VPS13A: variants seen among roughly 807,000 people sequenced by gnomAD.
VPS13A encodes the protein vacuolar protein sorting 13 homolog A.
In VPS13A, 264 loss-of-function variants were observed where a neutral mutation model predicts 390.9. That is an observed-to-expected ratio of 0.68 (90% CI 0.61 to 0.75). The LOEUF is 0.75. Ranked by LOEUF, VPS13A falls within the 30% of genes least tolerant of loss-of-function variation. The probability of loss-of-function intolerance (pLI) is 0.00; values close to 1 mark genes in which losing one functional copy is unlikely to be tolerated. For missense variants in VPS13A, 3,409 were observed against 3,733.9 expected (o/e 0.91, Z 2.27); for synonymous variants, 1,231 against 1,227.1 (o/e 1.00, Z -0.07).
At position 77,295,671 on chromosome 9, in the gene VPS13A, A is replaced by G. The variant is rs1172751806; in HGVS notation, c.3637A>G (p.Ile1213Val). 5.6e-6 allele frequency: 9 copies of G among 1,614,086 alleles called. No homozygotes were observed. The highest frequency in any genetic ancestry group is 7.6e-6 in the Non-Finnish European group (9 of 1,179,956). ...TTCCAGAATGGCACTGGATATTAAC[A>G]TCAAAGCCCCAGTTGTGGTCATCCC... ...RSSRMALDINIKAPVVVIPQS... is the reference protein window; with the variant it reads ...RSSRMALDINVKAPVVVIPQS... The change falls in exon 33 of 72, where the codon ATC (isoleucine) becomes GTC (valine). Residue 1213 changes from isoleucine to valine, a missense_variant. Transcript: ENST00000360280.
At chr9:77,261,464 T>C in intron 23 of VPS13A, among the ~76,000 whole-genome samples, 1 of 151,888 alleles carries the variant, frequency 6.6e-6, no homozygotes, top group African/African-American at 2.4e-5. Context: ...TATATATACA[T>C]ATATATGTGT....
chr9:77,363,115 T>A lies in VPS13A; in HGVS notation c.8212-2345T>A, dbSNP rs369869474. Among the ~76,000 whole-genome samples the A allele has an allele frequency of 3.9e-5, 6 of 152,266 alleles. No homozygotes were observed. The South Asian group carries it at 1.2e-3, about 32-fold the overall frequency. ...CCTTTGTTTCTTCTTCTTCCCTAGT[T>A]GTTGTGTCTAGAAATTGGTGACACA... On this transcript the variant is annotated intron_variant, in intron 59 of 71. Transcript: ENST00000360280.
chr9:77,328,699 C>T (rs941710079), intron 45 of VPS13A, among the ~76,000 whole-genome samples: 3 of 152,196 alleles, frequency 2.0e-5, no homozygotes, highest in Non-Finnish European at 2.9e-5. Context: ...GAACAAACGT[C>T]TGCTTCCAAC....
At chr9:77,227,265 G>T in intron 15 of VPS13A, 126 bp from the exon 16 acceptor site, 1 of 700,240 alleles carries the variant, frequency 1.4e-6, no homozygotes, top group East Asian at 2.8e-5. Context: ...CAAACATTCA[G>T]TGTTTATAAT....
intron 23 of VPS13A, among the ~76,000 whole-genome samples, chr9:77,264,386 A>G (rs956705489): frequency 6.6e-6 from 1 of 152,190 alleles, no homozygotes; most frequent in East Asian, 1.9e-4. Context: ...TACCTTGGGC[A>G]GTATGGCCAT....
chr9:77,385,347 CG>C (rs1197596787), intron 68 of VPS13A, among the ~76,000 whole-genome samples: 3 of 151,708 alleles, frequency 2.0e-5, no homozygotes, highest in Admixed American at 2.0e-4. Flanking sequence ...TACTTTTTAC[CG>C]TTTTGTTTCA....
At chr9:77,391,155 T>G (rs1394296340) in intron 68 of VPS13A, among the ~76,000 whole-genome samples, 4 of 152,182 alleles carry the variant, frequency 2.6e-5, no homozygotes, top group Non-Finnish European at 5.9e-5. Flanking sequence ...ACTCAACTCA[T>G]GATTTCTCTA....
In VPS13A at chr9:77,273,292, A is replaced by T. The variant is rs564878665; in HGVS notation, c.2440A>T (p.Thr814Ser). ...PVKSFQIQTS[T>S]SLGTSQISQK... is the part of the protein sequence containing the mutation. Reference sequence around the variant, plus strand: ...ACTTTTCTTTCAGATTCAAACATCTACTTCTTTGGGAACATCACAGATTTC... The same window carrying T: ...ACTTTTCTTTCAGATTCAAACATCTTCTTCTTTGGGAACATCACAGATTTC... The change falls in exon 24 of 72, where the codon ACT becomes TCT. Residue 814 changes from threonine (T) to serine (S), a missense_variant. This residue lies in a region of VPS13A where 2,717 missense variants were observed against 2,917.4 expected (regional missense o/e 0.93). Transcript: ENST00000360280. 2 of 1,611,204 alleles carry T rather than the reference A, an allele frequency of 1.2e-6. No homozygotes were observed. Among genetic ancestry groups the T allele is most frequent in the African/African-American group, 2.7e-5 (2 of 75,012 alleles).
chr9:77,397,207 T>C (rs937413574), intron 68 of VPS13A, among the ~76,000 whole-genome samples: 3 of 152,134 alleles, frequency 2.0e-5, no homozygotes, highest in Non-Finnish European at 2.9e-5. Flanking sequence ...GCCAGGCTGG[T>C]CTCAAACTCC....
At chr9:77,178,006 G>C in intron 1 of VPS13A, 1 of 559,674 alleles carries the variant, frequency 1.8e-6, no homozygotes, top group Non-Finnish European at 3.2e-6. Context: ...ATATTTTGGG[G>C]GAAAGGAGAG....
chr9:77,207,658 C>T (rs1003728771), intron 5 of VPS13A, among the ~76,000 whole-genome samples: 1 of 151,884 alleles, frequency 6.6e-6, no homozygotes, highest in African/African-American at 2.4e-5. Context: ...TAAAATAAAC[C>T]CTTGTGTTCT....
rs1587598475 is a variant in VPS13A, at chr9:77,330,907, A to T, written c.5992-1103A>T. 2.6e-5 allele frequency among the ~76,000 whole-genome samples: 4 copies of T among 152,138 alleles called. No individual in the cohort carries two copies. In the East Asian group the frequency reaches 5.8e-4, roughly 22 times the overall value. ...ACGTTGTGTATATTTCCAGTACCAT[A>T]TTTTAAAAACTATTATTCCTGTCCA... On this transcript the variant is annotated intron_variant, in intron 45 of 71. Coordinates refer to ENST00000360280, the MANE Select transcript of VPS13A (RefSeq NM_033305.3).
At position 77,283,559 on chromosome 9, in the gene VPS13A, A is replaced by T. The variant is rs781668457; in HGVS notation, c.3248A>T (p.Glu1083Val). Residue 1083 changes from glutamate to valine, a missense_variant, in exon 31 of 72, where the codon GAG becomes GTG. Physicochemically the swap from Glu to Val is moderately radical, Grantham distance 121 (BLOSUM62 -2). Transcript: ENST00000360280. Reference sequence around the variant, plus strand: ...TTTGTTCCCTTAGGGCTTGATTCTGAGATGATTATGAGGCCTTCAGAAACT... The same window carrying T: ...TTTGTTCCCTTAGGGCTTGATTCTGTGATGATTATGAGGCCTTCAGAAACT... ...SEIKIEGLDS[E>V]MIMRPSETEI... 1.2e-6 allele frequency: 2 copies of T among 1,613,400 alleles called. No homozygotes were observed. Among genetic ancestry groups the T allele is most frequent in the Non-Finnish European group, 1.7e-6 (2 of 1,179,682 alleles).
intron 68 of VPS13A, among the ~76,000 whole-genome samples, chr9:77,383,161 G>A (rs1195848915): frequency 6.6e-6 from 1 of 151,958 alleles, no homozygotes; most frequent in Non-Finnish European, 1.5e-5. Context: ...ACCTATTGCA[G>A]GGCATATAGT....
At chr9:77,290,559 T>G (rs974213961) in intron 31 of VPS13A, among the ~76,000 whole-genome samples, 2 of 152,126 alleles carry the variant, frequency 1.3e-5, no homozygotes, top group African/African-American at 4.8e-5. Context: ...CTTCTTGAAT[T>G]CCTGAAATTC....
At chr9:77,239,008 C>T (rs1226810057) in intron 19 of VPS13A, among the ~76,000 whole-genome samples, 2 of 151,912 alleles carry the variant, frequency 1.3e-5, no homozygotes, top group Admixed American at 1.3e-4. Context: ...CATATCTATA[C>T]CTATTCATTA....
Position 77,370,412 on chromosome 9 carries a change from C to G in VPS13A, c.8744-3C>G, listed in dbSNP as rs1287159320. ...TACTTTTACTAAAGATAATTTCTGT[C>G]AGGTGGATTGGCTGGTGCTGCCTCC... On this transcript the variant is annotated splice_polypyrimidine_tract_variant and splice_region_variant and intron_variant, in intron 64 of 71. Transcript: ENST00000360280. The G allele has an allele frequency of 6.2e-7, 1 of 1,614,090 alleles. No homozygotes were observed. Among genetic ancestry groups the G allele is most frequent in the Non-Finnish European group, 8.5e-7 (1 of 1,180,014 alleles).
intron 52 of VPS13A, among the ~76,000 whole-genome samples, chr9:77,350,654 G>A (rs1308876275): frequency 6.6e-6 from 1 of 151,854 alleles, no homozygotes; most frequent in Non-Finnish European, 1.5e-5. Flanking sequence ...ATTTTCTTGC[G>A]AGTGACTATG....
chr9:77,314,409 G>A (rs1246307070), intron 36 of VPS13A, 86 bp from the exon 37 acceptor site: 2 of 1,356,998 alleles, frequency 1.5e-6, no homozygotes, highest in Non-Finnish European at 2.1e-6. Context: ...TATAAGCAGA[G>A]GCAATAATTT....
Sources: allele counts gnomAD v4.1 joint callset (sites outside exome capture counted in the v4.1 genomes callset), GRCh38; gene constraint gnomAD v4.1.1; regional missense constraint gnomAD v4.1.1; transcripts MANE v1.5; gene names NCBI Gene and HGNC (gene_info 2026-07-23, HGNC 2026-07-21).